FAM20A: variants seen among roughly 807,000 people sequenced by gnomAD.
FAM20A encodes pseudokinase FAM20A.
Under a neutral mutation model 52.0 loss-of-function variants are expected in FAM20A, and 42 were observed. The ratio of observed to expected loss-of-function variants is 0.81; its 90% confidence interval spans 0.63 to 1.04. The LOEUF is 1.04. FAM20A is among the 50% of genes least tolerant of loss of function. The pLI is 0.00. For synonymous variants in FAM20A, 304 were observed against 298.9 expected, an observed-to-expected ratio of 1.02 and a Z score of -0.18; for missense variants, 742 against 712.7, an observed-to-expected ratio of 1.04 and a Z score of -0.47.
At chr17:68,593,299 C>G (rs893977957) in intron 1 of FAM20A, among the ~76,000 whole-genome samples, 1 of 152,244 alleles carries the variant, frequency 6.6e-6, no homozygotes, top group African/African-American at 2.4e-5. Context: ...CAGGTCAGCA[C>G]CTGCCAAGGG....
chr17:68,584,217 T>A (rs1397327662), intron 1 of FAM20A, among the ~76,000 whole-genome samples: 1 of 152,108 alleles, frequency 6.6e-6, no homozygotes, highest in Non-Finnish European at 1.5e-5. Context: ...CTTGGGAGGC[T>A]GAGGCAGGAG....
At chr17:68,584,646 CT>C (rs2088117055) in intron 1 of FAM20A, among the ~76,000 whole-genome samples, 1 of 152,330 alleles carries the variant, frequency 6.6e-6, no homozygotes, top group East Asian at 1.9e-4. Context: ...GTAAATAATA[CT>C]TCTGGATGAG....
intron 1 of FAM20A, among the ~76,000 whole-genome samples, chr17:68,572,753 T>C (rs2087601488): frequency 6.6e-6 from 1 of 152,198 alleles, no homozygotes; most frequent in South Asian, 2.1e-4. Flanking sequence ...TTTATTTATT[T>C]ATTTTTGTTT....
intron 1 of FAM20A, among the ~76,000 whole-genome samples, chr17:68,577,025 G>A (rs574129398): frequency 6.6e-6 from 1 of 152,320 alleles, no homozygotes; most frequent in African/African-American, 2.4e-5. Context: ...CAGGGAACTA[G>A]CAGATGCCTT....
chr17:68,583,849 G>A (rs990311643), intron 1 of FAM20A, among the ~76,000 whole-genome samples: 4 of 151,964 alleles, frequency 2.6e-5, no homozygotes, highest in African/African-American at 7.3e-5. Flanking sequence ...TCGTGCCACC[G>A]CACACCAGCC....
rs181432488 is a variant in FAM20A, at chr17:68,577,699, C to T, written c.405-21956G>A. Among the ~76,000 whole-genome samples, 3 of 152,262 alleles carry T rather than the reference C, an allele frequency of 2.0e-5. No individual in the cohort carries two copies. The East Asian group carries it at 5.8e-4, about 29-fold the overall frequency. ...AAATTGCTCTGATGGATTTTGCACT[C>T]GGTGTAATTTAATATTTTCCATAGA... On this transcript the variant is annotated intron_variant, in intron 1 of 10. Transcript: ENST00000592554.
chr17:68,550,095 G>A (rs2086763134), intron 4 of FAM20A, among the ~76,000 whole-genome samples: 1 of 152,096 alleles, frequency 6.6e-6, no homozygotes, highest in Non-Finnish European at 1.5e-5. Context: ...TGGGGGAGGG[G>A]AGTGGGGAAA....
At chr17:68,596,766 C>A (rs768383528) in intron 1 of FAM20A, among the ~76,000 whole-genome samples, 30 of 152,150 alleles carry the variant, frequency 2.0e-4, no homozygotes, top group Non-Finnish European at 3.7e-4. Context: ...TGGAGCCTGG[C>A]GTTGGCTGGC....
At chr17:68,591,756 C>T (rs1431814340) in intron 1 of FAM20A, 1 of 152,292 alleles carries the variant, frequency 6.6e-6, no homozygotes, top group Non-Finnish European at 1.5e-5. Flanking sequence ...GGTGGAGCCT[C>T]GGGAAGGTCA....
In FAM20A at chr17:68,551,746, C is replaced by T. The variant is rs2086848157; in HGVS notation, c.719+127G>A. On this transcript the variant is annotated intron_variant, in intron 4 of 10. Coordinates refer to ENST00000592554, the MANE Select transcript of FAM20A (RefSeq NM_017565.4). ...TATTATCACCCCAAACAGTTCTGTG[C>T]TTGGGCAGATTAGAGAATCTCTGAA... 6 of 631,732 alleles carry T rather than the reference C, an allele frequency of 9.5e-6. No individual in the cohort carries two copies. In the East Asian group the frequency reaches 2.0e-4, roughly 21 times the overall value. The allele number at this position is 631,732 out of a possible 1,614,324, so 39.1% of individuals were successfully genotyped here.
rs772903736 is a variant in FAM20A, at chr17:68,536,635, T to C, written c.*842A>G. The C allele has an allele frequency of 2.2e-5, 10 of 452,092 alleles. No individual in the cohort carries two copies. Among genetic ancestry groups the C allele is most frequent in the Non-Finnish European group, 4.0e-5 (9 of 226,072 alleles). 28.0% of individuals were successfully genotyped at this position (452,092 alleles called of 1,614,324 possible). ...GGGTCTTAGGGAAGAAGATTGTGGT[T>C]GGTGGGCTGTAGTCAGCCTTGGCTC... On this transcript the variant is annotated 3_prime_UTR_variant, in exon 11 of 11. Transcript: ENST00000592554.
intron 4 of FAM20A, among the ~76,000 whole-genome samples, chr17:68,550,657 A>G (rs975329637): frequency 7.2e-5 from 11 of 152,192 alleles, no homozygotes; most frequent in African/African-American, 2.4e-4. Context: ...CTGGGATTAC[A>G]GGTGTGAGCC....
intron 1 of FAM20A, among the ~76,000 whole-genome samples, chr17:68,579,318 G>A (rs1270721156): frequency 6.6e-6 from 1 of 152,054 alleles, no homozygotes; most frequent in Non-Finnish European, 1.5e-5. Flanking sequence ...CCACCTGCAC[G>A]AGACCAGGTG....
chr17:68,537,826 G>T lies in FAM20A; in HGVS notation c.1362-85C>A. 1 of 1,443,936 alleles carries T rather than the reference G, an allele frequency of 6.9e-7. No homozygotes were observed. Among genetic ancestry groups the T allele is most frequent in the Non-Finnish European group, 9.5e-7 (1 of 1,055,034 alleles). 89.4% of individuals were successfully genotyped at this position (1,443,936 alleles called of 1,614,324 possible). ...ACTTCTTTCCCCACAAACAGCTGTT[G>T]TAGCTGATACTCTTGGCGCCTCTCC... On this transcript the variant is annotated intron_variant, in intron 10 of 10. Coordinates refer to ENST00000592554, the MANE Select transcript of FAM20A (RefSeq NM_017565.4). This position sits in a 1 kb window ranked among gnomAD's most constrained non-coding sequence, Gnocchi z 4.2.
chr17:68,548,723 ATATTTTTTT>A (rs1288790594), intron 4 of FAM20A, among the ~76,000 whole-genome samples: 1 of 117,944 alleles, frequency 8.5e-6, no homozygotes, highest in Non-Finnish European at 1.7e-5. Context: ...CTATGCCTGT[ATATTTTTTT>A]TTTTTTTTTT....
intron 1 of FAM20A, among the ~76,000 whole-genome samples, chr17:68,576,083 A>G (rs888457504): frequency 2.0e-5 from 3 of 152,124 alleles, no homozygotes; most frequent in African/African-American, 7.2e-5. Flanking sequence ...ACAAGCTCCC[A>G]TAAGAGTACA....
Position 68,535,992 on chromosome 17 carries a change from GA to G in FAM20A, c.*1484del. On this transcript the variant is annotated 3_prime_UTR_variant, in exon 11 of 11. Coordinates refer to ENST00000592554, the MANE Select transcript of FAM20A (RefSeq NM_017565.4). ...GAGGATGGGGGTTGTATCTGTGTTTGAGAGGATTGGAAACCTGTGTGTTGCT... is the reference window on the plus strand; with the variant it reads ...GAGGATGGGGGTTGTATCTGTGTTTGGAGGATTGGAAACCTGTGTGTTGCT... The G allele has an allele frequency of 2.2e-6, 1 of 454,128 alleles. No individual in the cohort carries two copies. Among genetic ancestry groups the G allele is most frequent in the Non-Finnish European group, 4.4e-6 (1 of 226,800 alleles). 28.1% of individuals were successfully genotyped at this position (454,128 alleles called of 1,614,324 possible). A position where few individuals can be genotyped will look rare whatever the true frequency, so the allele number is the denominator to read the frequency against.
chr17:68,564,725 G>A (rs1157826710), intron 1 of FAM20A, among the ~76,000 whole-genome samples: 1 of 152,226 alleles, frequency 6.6e-6, no homozygotes, highest in Non-Finnish European at 1.5e-5. Flanking sequence ...CATGGGGATG[G>A]CAGGAAGCCT....
intron 1 of FAM20A, chr17:68,582,633 T>C (rs2088040359): frequency 6.6e-6 from 1 of 152,242 alleles, no homozygotes; most frequent in Admixed American, 6.5e-5. Flanking sequence ...GGCACCCTGC[T>C]CAGTGTGTTC....
Sources: gnomAD v4.1 joint callset for allele counts (sites outside exome capture counted in the v4.1 genomes callset) on GRCh38, gnomAD v4.1.1 for gene constraint, Gnocchi (gnomAD v3.1) non-coding constraint, MANE v1.5 for transcripts, NCBI Gene and HGNC (gene_info 2026-07-23, HGNC 2026-07-21) for gene names.